The following STOML1 variants were observed in gnomAD, a reference collection of about 807,000 sequenced individuals.
STOML1 encodes the protein stomatin-like protein 1.
Under a neutral mutation model 35.7 loss-of-function variants are expected in STOML1, and 27 were observed. That is an observed-to-expected ratio of 0.76 (90% confidence interval 0.56 to 1.04). The LOEUF is 1.04. Ranked by LOEUF, STOML1 falls within the 50% of genes least tolerant of loss-of-function variation. STOML1 has a pLI of 0.00. For synonymous variants in STOML1, 219 were observed against 227.9 expected, an observed-to-expected ratio of 0.96 and a Z score of 0.35; for missense variants, 451 against 527.1, an observed-to-expected ratio of 0.86 and a Z score of 1.41.
Position 73,988,185 on chromosome 15 carries a change from A to C in STOML1, c.594+414T>G, listed in dbSNP as rs1221137051. ...GGAAACAAAAATCACAAGCATGCAC[A>C]CGCTGCATGGTGAGCCTGGAATTCC... On this transcript the variant is annotated intron_variant, in intron 4 of 6. Coordinates refer to ENST00000541638, the MANE Select transcript of STOML1 (RefSeq NM_004809.5). The surrounding 1 kb of genome is among the most constrained non-coding windows in gnomAD (Gnocchi z 4.8). 1 of 186,456 alleles carries C rather than the reference A, an allele frequency of 5.4e-6. No homozygotes were observed. The highest frequency in any genetic ancestry group is 1.1e-5 in the Non-Finnish European group (1 of 88,520). 11.6% of individuals were successfully genotyped at this position (186,456 alleles called of 1,614,324 possible).
At position 73,990,801 on chromosome 15, in the gene STOML1, T is replaced by G. The variant is rs948877720; in HGVS notation, c.134-344A>C. ...GGTCAATCCTCTCGTTTAATTTATA[T>G]TGCCTACCCATACCTGGCATGGAGC... On this transcript the variant is annotated intron_variant, in intron 1 of 6. Coordinates refer to ENST00000541638, the MANE Select transcript of STOML1 (RefSeq NM_004809.5). 4 of 1,535,552 alleles carry G rather than the reference T, an allele frequency of 2.6e-6. No homozygotes were observed. In the African/African-American group the frequency reaches 5.5e-5, roughly 21 times the overall value.
rs2069178455 is a variant in STOML1, at chr15:73,988,891, C to T, written c.391-89G>A. On this transcript the variant is annotated intron_variant, in intron 3 of 6. Coordinates refer to ENST00000541638, the MANE Select transcript of STOML1 (RefSeq NM_004809.5). The surrounding 1 kb of genome is among the most constrained non-coding windows in gnomAD (Gnocchi z 4.8). Reference sequence around the variant, plus strand: ...ACTGGGGCCACCCAGCTTGAACCACCTGCTTGGCAGCTAGCTCCTCAAGGG... The same window carrying T: ...ACTGGGGCCACCCAGCTTGAACCACTTGCTTGGCAGCTAGCTCCTCAAGGG... 1 of 1,528,282 alleles carries T rather than the reference C, an allele frequency of 6.5e-7. No homozygotes were observed. The allele number at this position is 1,528,282 out of a possible 1,614,324, so 94.7% of individuals were successfully genotyped here. A position where few individuals can be genotyped will look rare whatever the true frequency, so the allele number is the denominator to read the frequency against.
rs2068971021 is a variant in STOML1, at chr15:73,982,368, G to C, written c.*1569C>G. Reference sequence around the variant, plus strand: ...AAAGCCCTGGGAGGGCCCATGAGAGGCCTCCAAGTAGGCAAAGGGGCAACA... The same window carrying C: ...AAAGCCCTGGGAGGGCCCATGAGAGCCCTCCAAGTAGGCAAAGGGGCAACA... On this transcript the variant is annotated 3_prime_UTR_variant, in exon 7 of 7. Coordinates refer to ENST00000541638, the MANE Select transcript of STOML1 (RefSeq NM_004809.5). 2 of 152,480 alleles carry C rather than the reference G, an allele frequency of 1.3e-5. No individual in the cohort carries two copies. Among genetic ancestry groups the C allele is most frequent in the African/African-American group, 2.4e-5 (1 of 41,466 alleles). The allele number at this position is 152,480 out of a possible 1,614,324, so 9.4% of individuals were successfully genotyped here.
rs903711399 is a variant in STOML1 at position 73,988,097 on chromosome 15, C to T, written c.594+502G>A. On this transcript the variant is annotated intron_variant, in intron 4 of 6. Transcript: ENST00000541638. This position sits in a 1 kb window ranked among gnomAD's most constrained non-coding sequence, Gnocchi z 4.8. ...GATTTAGGGCAAACTCCAATATACA[C>T]ATGGAGAAGAGGCAGGAAAAAGATC... 6.4e-6 allele frequency: 1 copy of T among 156,460 alleles called. No individual in the cohort carries two copies. The highest frequency in any genetic ancestry group is 2.4e-5 in the African/African-American group (1 of 41,568). The allele number at this position is 156,460 out of a possible 1,614,324, so 9.7% of individuals were successfully genotyped here. A position where few individuals can be genotyped will look rare whatever the true frequency, so the allele number is the denominator to read the frequency against.
At chr15:73,990,765 G>C in intron 1 of STOML1, 1 of 1,513,714 alleles carries the variant, frequency 6.6e-7, no homozygotes, top group Non-Finnish European at 8.9e-7. Flanking sequence ...CTCCTCACTG[G>C]ACTGAGTAGG....
chr15:73,990,603 T>G, intron 1 of STOML1, 146 bp from the exon 2 acceptor site: 1 of 907,008 alleles, frequency 1.1e-6, no homozygotes, highest in Non-Finnish European at 1.7e-6. Flanking sequence ...TGCCTAATAT[T>G]CCCGTATCTT....
intron 2 of STOML1, 30 bp downstream of exon 2, chr15:73,990,321 C>T (rs199878143): frequency 1.9e-6 from 3 of 1,608,082 alleles, no homozygotes; most frequent in Admixed American, 3.4e-5. Flanking sequence ...GTGGCCCAAC[C>T]ACCCTGGGGG....
In STOML1 at chr15:73,982,777, C is replaced by G. The variant is rs937701514; in HGVS notation, c.*1160G>C. On this transcript the variant is annotated 3_prime_UTR_variant, in exon 7 of 7. Coordinates refer to ENST00000541638, the MANE Select transcript of STOML1 (RefSeq NM_004809.5). ...TTCTCTGGGGCCCCTGGGGTTTGGG[C>G]GAGAGTACTGGAGCAGAAAGCAGGG... 1 of 152,202 alleles carries G rather than the reference C, an allele frequency of 6.6e-6. No homozygotes were observed. The highest frequency in any genetic ancestry group is 1.9e-4 in the East Asian group (1 of 5,196). 9.4% of individuals were successfully genotyped at this position (152,202 alleles called of 1,614,324 possible).
chr15:73,986,336 G>A (rs1390248492), intron 4 of STOML1: 1 of 152,112 alleles, frequency 6.6e-6, no homozygotes, highest in Non-Finnish European at 1.5e-5. Context: ...TGGGAAGGGA[G>A]GGATGGCAAC....
At chr15:73,991,621 G>A in intron 1 of STOML1, 1 of 458,730 alleles carries the variant, frequency 2.2e-6, no homozygotes, top group South Asian at 1.5e-5. Flanking sequence ...ACAGGCAGCT[G>A]AGGACCTGTC....
intron 1 of STOML1, chr15:73,990,974 C>A: frequency 6.9e-7 from 1 of 1,443,556 alleles, no homozygotes; most frequent in Non-Finnish European, 9.1e-7. Flanking sequence ...AATAGCTTAT[C>A]AACGGGAGCC....
chr15:73,993,063 G>A (rs1339768434), upstream of STOML1, among the ~76,000 whole-genome samples: 2 of 152,208 alleles, frequency 1.3e-5, no homozygotes, highest in Non-Finnish European at 2.9e-5. Flanking sequence ...AGGAAGGCCT[G>A]AACTTTGGCA....
In STOML1 at chr15:73,985,826, G is replaced by C. The variant is rs75865328; in HGVS notation, c.595-313C>G. On this transcript the variant is annotated intron_variant, in intron 4 of 6. Transcript: ENST00000541638. ...CCAGACAAGAAAACCTGGCATGTTCGTGGAGCTGCGAGGAACCAGAGTTCC... is the reference window on the plus strand; with the variant it reads ...CCAGACAAGAAAACCTGGCATGTTCCTGGAGCTGCGAGGAACCAGAGTTCC... 4.6e-3 allele frequency: 1,488 copies of C among 320,412 alleles called. 20 individuals are homozygous for C. Among genetic ancestry groups the C allele is most frequent in the African/African-American group, 0.031 (1,373 of 44,782 alleles). The allele number at this position is 320,412 out of a possible 1,614,324, so 19.8% of individuals were successfully genotyped here.
chr15:73,982,667 T>A lies in STOML1; in HGVS notation c.*1270A>T, dbSNP rs1170820192. Reference sequence around the variant, plus strand: ...CTGGGGGCTGTTCTTAAGGGGAGGCTTTGATTTTTGTGGTTTTGTTTTTCC... The same window carrying A: ...CTGGGGGCTGTTCTTAAGGGGAGGCATTGATTTTTGTGGTTTTGTTTTTCC... On this transcript the variant is annotated 3_prime_UTR_variant, in exon 7 of 7. Coordinates refer to ENST00000541638, the MANE Select transcript of STOML1 (RefSeq NM_004809.5). 1.3e-5 allele frequency: 2 copies of A among 152,202 alleles called. No individual in the cohort carries two copies. The highest frequency in any genetic ancestry group is 2.4e-5 in the African/African-American group (1 of 41,384). 9.4% of individuals were successfully genotyped at this position (152,202 alleles called of 1,614,324 possible). A position where few individuals can be genotyped will look rare whatever the true frequency, so the allele number is the denominator to read the frequency against.
chr15:73,984,789 C>T lies in STOML1; in HGVS notation c.873G>A (p.Ala291=), dbSNP rs1230867492. The change falls in exon 6 of 7, where the codon GCG becomes GCA. Residue 291 remains alanine (A), a synonymous_variant. Transcript: ENST00000541638. ...GARSSPKQPL[A]EGLLTALQPF... Reference sequence around the variant, plus strand: ...GCTGTAGAGCAGTCAGTAGCCCCTCCGCCAGAGGCTGCTTCGGACTGGACC... The same window carrying T: ...GCTGTAGAGCAGTCAGTAGCCCCTCTGCCAGAGGCTGCTTCGGACTGGACC... 1.1e-5 allele frequency: 17 copies of T among 1,614,008 alleles called. No homozygotes were observed. The highest frequency in any genetic ancestry group is 8.0e-5 in the African/African-American group (6 of 74,924).
chr15:73,993,509 G>T (rs546878004), upstream of STOML1, among the ~76,000 whole-genome samples: 1 of 152,262 alleles, frequency 6.6e-6, no homozygotes, highest in East Asian at 1.9e-4. Context: ...TTCTCTAAAG[G>T]CCTGGGAGTA....
chr15:73,991,799 C>G lies in STOML1; in HGVS notation c.133+292G>C, dbSNP rs79756615. 3.5e-3 allele frequency: 2,108 copies of G among 597,848 alleles called. 41 individuals carry two copies. The highest frequency in any genetic ancestry group is 0.035 in the African/African-American group (1,865 of 54,026). 37.0% of individuals were successfully genotyped at this position (597,848 alleles called of 1,614,324 possible). Reference sequence around the variant, plus strand: ...CGAAATAGAAACCTGAAACGTCTTCCCAGGCCTAAAGGGCTGATAAGAGCC... The same window carrying G: ...CGAAATAGAAACCTGAAACGTCTTCGCAGGCCTAAAGGGCTGATAAGAGCC... On this transcript the variant is annotated intron_variant, in intron 1 of 6. Coordinates refer to ENST00000541638, the MANE Select transcript of STOML1 (RefSeq NM_004809.5).
chr15:73,992,465 C>G, upstream of STOML1: 1 of 351,128 alleles, frequency 2.8e-6, no homozygotes. Flanking sequence ...TTCCTCGGAC[C>G]CCGCTGGGGT....
At position 73,990,337 on chromosome 15, in the gene STOML1, C is replaced by G; in HGVS notation, c.240+14G>C. 2 of 1,612,452 alleles carry G rather than the reference C, an allele frequency of 1.2e-6. No homozygotes were observed. Among genetic ancestry groups the G allele is most frequent in the Non-Finnish European group, 1.7e-6 (2 of 1,178,646 alleles). On this transcript the variant is annotated intron_variant, in intron 2 of 6. Coordinates refer to ENST00000541638, the MANE Select transcript of STOML1 (RefSeq NM_004809.5). ...TGGCCCAACCACCCTGGGGGCTGACCCAGCCAGCCTTACCTTCAGGGCAAA... is the reference window on the plus strand; with the variant it reads ...TGGCCCAACCACCCTGGGGGCTGACGCAGCCAGCCTTACCTTCAGGGCAAA...
Sources: allele counts gnomAD v4.1 joint callset (sites outside exome capture counted in the v4.1 genomes callset), GRCh38; gene constraint gnomAD v4.1.1; non-coding constraint Gnocchi (gnomAD v3.1); transcripts MANE v1.5; gene names NCBI Gene and HGNC (gene_info 2026-07-23, HGNC 2026-07-21).